Variants in MYH8 observed in about 807,000 individuals in gnomAD.
MYH8 encodes the protein myosin-8.
In MYH8, 168 loss-of-function variants were observed where a neutral mutation model predicts 233.2. The observed-to-expected ratio is 0.72, with a 90% CI of 0.64 to 0.82. The LOEUF (loss-of-function observed/expected upper bound fraction) is 0.82. Among genes scored for constraint, MYH8 ranks in the 40% least tolerant of loss-of-function variants. MYH8 has a pLI of 0.00. For missense variants in MYH8, 1,995 were observed against 2,327.8 expected (o/e 0.86, Z 2.94); for synonymous variants, 785 against 850.6 (o/e 0.92, Z 1.34).
rs886394850 is a variant in MYH8 at position 10,396,530 on chromosome 17, T to G, written c.4528+23A>C. ...AAGGTCCTCCCAGGGATATATGGAGTAGGGAGGACTGTGAGGACTCACGTT... is the reference window on the plus strand; with the variant it reads ...AAGGTCCTCCCAGGGATATATGGAGGAGGGAGGACTGTGAGGACTCACGTT... On this transcript the variant is annotated intron_variant, in intron 32 of 39. Transcript: ENST00000403437. The surrounding 1 kb of genome is among the most constrained non-coding windows in gnomAD (Gnocchi z 4.2). 4.3e-6 allele frequency: 7 copies of G among 1,613,538 alleles called. No individual in the cohort carries two copies. Among genetic ancestry groups the G allele is most frequent in the Non-Finnish European group, 5.9e-6 (7 of 1,179,778 alleles).
At position 10,400,332 on chromosome 17, in the gene MYH8, A is replaced by C; in HGVS notation, c.3735+58T>G. Reference sequence around the variant, plus strand: ...ATGCCTGCAAACAATGTTTAGTGATAGAGAATAATGGGTGTTCTTACAGAT... The same window carrying C: ...ATGCCTGCAAACAATGTTTAGTGATCGAGAATAATGGGTGTTCTTACAGAT... On this transcript the variant is annotated intron_variant, in intron 27 of 39. Transcript: ENST00000403437. This position sits in a 1 kb window ranked among gnomAD's most constrained non-coding sequence, Gnocchi z 4.0. The C allele has an allele frequency of 2.9e-5, 46 of 1,592,836 alleles. No individual in the cohort carries two copies. Among genetic ancestry groups the C allele is most frequent in the Middle Eastern group, 3.3e-4 (2 of 6,022 alleles).
chr17:10,412,823 T>A, intron 12 of MYH8, 95 bp from the exon 13 acceptor site: 2 of 1,179,894 alleles, frequency 1.7e-6, no homozygotes, highest in Non-Finnish European at 2.5e-6. Flanking sequence ...ATTATTTAAA[T>A]AAAAAGCTTA....
intron 11 of MYH8, 75 bp from the exon 12 acceptor site, chr17:10,414,115 G>C: frequency 1.2e-6 from 2 of 1,609,352 alleles, no homozygotes; most frequent in Non-Finnish European, 1.7e-6. Context: ...CATATCCTAA[G>C]GTAACCACAC....
rs555357493 is a variant in MYH8 at position 10,417,647 on chromosome 17, T to C, written c.511+998A>G. Among the ~76,000 whole-genome samples, 110 of 152,252 alleles carry C rather than the reference T, an allele frequency of 7.2e-4. No homozygotes were observed. Among genetic ancestry groups the C allele is most frequent in the African/African-American group, 2.6e-3 (109 of 41,564 alleles). On this transcript the variant is annotated intron_variant, in intron 5 of 39. Coordinates refer to ENST00000403437, the MANE Select transcript of MYH8 (RefSeq NM_002472.3). This position sits in a 1 kb window ranked among gnomAD's most constrained non-coding sequence, Gnocchi z 4.1. ...GCTGAGTGGGAGGACAGGGGTGGTG[T>C]ACATAGCTGTGTAAATGCAGCTGTT... is the stretch of plus-strand genomic sequence containing the variant.
rs1256256315 is a variant in MYH8 at position 10,406,778 on chromosome 17, G to A, written c.2083C>T (p.Gln695Ter). 5 of 1,614,062 alleles carry A rather than the reference G, an allele frequency of 3.1e-6. No individual in the cohort carries two copies. Among genetic ancestry groups the A allele is most frequent in the East Asian group, 2.2e-5 (1 of 44,868 alleles). Residue 695 changes from glutamine (Q) to a stop codon, truncating the protein, a stop_gained, in exon 19 of 40, where the codon CAG (glutamine) becomes TAG (stop). Coordinates refer to ENST00000403437, the MANE Select transcript of MYH8 (RefSeq NM_002472.3). LOFTEE classifies it high-confidence loss of function. ...GAMEHELVLH[Q>*]LRCNGVLEGI... ...TCCAGCACACCATTACACCTCAGCT[G>A]GTGCAACACAAGTTCATGTTCCATT...
intron 19 of MYH8, 80 bp downstream of exon 19, chr17:10,406,610 A>C: frequency 7.1e-7 from 1 of 1,399,206 alleles, no homozygotes; most frequent in Non-Finnish European, 1.0e-6. Flanking sequence ...CTACCACCAC[A>C]AGACTATATT....
At chr17:10,412,972 T>C (rs932844076) in intron 12 of MYH8, among the ~76,000 whole-genome samples, 2 of 152,212 alleles carry the variant, frequency 1.3e-5, no homozygotes, top group Non-Finnish European at 2.9e-5. Context: ...TGTAAACATA[T>C]GTAGTATTTA....
rs190632125 is a variant in MYH8, at chr17:10,392,852, C to T, written c.5442G>A (p.Gln1814=). ...CCACCCTGGCCTCCAGTTTCTGGAT[C>T]TGCTTCTTCCCACCCTTCAGCGCCA... ...EQLALKGGKK[Q]IQKLEARVRE... Residue 1814 remains glutamine (Q), a synonymous_variant, in exon 37 of 40, where the codon CAG becomes CAA. Coordinates refer to ENST00000403437, the MANE Select transcript of MYH8 (RefSeq NM_002472.3). The T allele has an allele frequency of 6.2e-7, 1 of 1,614,064 alleles. No individual in the cohort carries two copies. Among genetic ancestry groups the T allele is most frequent in the African/African-American group, 1.3e-5 (1 of 74,922 alleles).
chr17:10,396,463 G>T lies in MYH8; in HGVS notation c.4529-9C>A. On this transcript the variant is annotated splice_polypyrimidine_tract_variant and intron_variant, in intron 32 of 39. Transcript: ENST00000403437. This position sits in a 1 kb window ranked among gnomAD's most constrained non-coding sequence, Gnocchi z 4.2. ...GAGGTCAGAAATCTCCTCTGTGGTT[G>T]AACAGACAGGAGAGAAATGGTCAGA... 1 of 1,613,992 alleles carries T rather than the reference G, an allele frequency of 6.2e-7. No homozygotes were observed. Among genetic ancestry groups the T allele is most frequent in the Non-Finnish European group, 8.5e-7 (1 of 1,180,002 alleles).
In MYH8 at chr17:10,415,889, G is replaced by T. The variant is rs2072286066; in HGVS notation, c.512-181C>A. Among the ~76,000 whole-genome samples, 1 of 152,158 alleles carries T rather than the reference G, an allele frequency of 6.6e-6. No homozygotes were observed. The highest frequency in any genetic ancestry group is 6.5e-5 in the Admixed American group (1 of 15,268). On this transcript the variant is annotated intron_variant, in intron 5 of 39. Coordinates refer to ENST00000403437, the MANE Select transcript of MYH8 (RefSeq NM_002472.3). This position sits in a 1 kb window ranked among gnomAD's most constrained non-coding sequence, Gnocchi z 4.1. ...TTCTCAGTGTAAAATTTGTGAAAATGAAAGCAAAGAATCATCTCTTCCTTT... is the reference window on the plus strand; with the variant it reads ...TTCTCAGTGTAAAATTTGTGAAAATTAAAGCAAAGAATCATCTCTTCCTTT...
rs752012893 is a variant in MYH8, at chr17:10,409,296, T to A, written c.1880A>T (p.Tyr627Phe). The A allele has an allele frequency of 6.2e-7, 1 of 1,614,264 alleles. No individual in the cohort carries two copies. The highest frequency in any genetic ancestry group is 1.1e-5 in the South Asian group (1 of 91,086). Residue 627 changes from tyrosine (Y) to phenylalanine (F), a missense_variant, in exon 16 of 40, where the codon TAT becomes TTT. This residue lies in a region of MYH8 where 1,498 missense variants were observed against 1,680.9 expected (regional missense o/e 0.89). Coordinates refer to ENST00000403437, the MANE Select transcript of MYH8 (RefSeq NM_002472.3). ...GAAAGTACCTGCTTCAGCACTAGCA[T>A]ACGTGGAAAAGAGACTGGCTAGAGT... The part of the protein sequence containing the change: ...MKTLASLFST[Y>F]ASAEADSSAK...
intron 35 of MYH8, 128 bp downstream of exon 35, chr17:10,394,121 A>G: frequency 8.1e-7 from 1 of 1,232,246 alleles, no homozygotes; most frequent in Non-Finnish European, 1.1e-6. Flanking sequence ...AATAGCAATG[A>G]GTATTTTTGA....
chr17:10,400,810 C>G lies in MYH8; in HGVS notation c.3346-31G>C. 4.3e-6 allele frequency: 7 copies of G among 1,613,984 alleles called. No individual in the cohort carries two copies. The highest frequency in any genetic ancestry group is 5.9e-6 in the Non-Finnish European group (7 of 1,180,020). On this transcript the variant is annotated intron_variant, in intron 26 of 39. Transcript: ENST00000403437. This position sits in a 1 kb window ranked among gnomAD's most constrained non-coding sequence, Gnocchi z 4.0. ...AATGAAAGAAGCACATAAACATAAACTCATCTCAACTTCAGTGTTTTTTTG... is the reference window on the plus strand; with the variant it reads ...AATGAAAGAAGCACATAAACATAAAGTCATCTCAACTTCAGTGTTTTTTTG...
intron 21 of MYH8, 32 bp downstream of exon 21, chr17:10,406,009 C>G (rs745548633): frequency 6.8e-6 from 11 of 1,611,256 alleles, no homozygotes; most frequent in Non-Finnish European, 8.5e-6. Context: ...CTTAAGGGAC[C>G]TTATAATTCT....
At chr17:10,391,832 C>G in intron 39 of MYH8, 50 bp downstream of exon 39, 1 of 1,438,148 alleles carries the variant, frequency 7.0e-7, no homozygotes, top group Non-Finnish European at 9.8e-7. Context: ...AAAACACTTT[C>G]TACTGCAAAA....
In MYH8 at chr17:10,398,534, GC is replaced by G. The variant is rs2072100717; in HGVS notation, c.4087del (p.Ala1363ArgfsTer45). 1 of 1,614,034 alleles carries G rather than the reference GC, an allele frequency of 6.2e-7. No individual in the cohort carries two copies. The highest frequency in any genetic ancestry group is 1.1e-5 in the South Asian group (1 of 91,082). ...AACCTCACTGTTGGCCTTGGACAGC[GC>G]CCTCTGCAGCTCAGCTTTGCCTTCC... ...EQEGKAELQR[A>X]LSKANSEVAQ... On this transcript the variant is annotated frameshift_variant, in exon 30 of 40. Coordinates refer to ENST00000403437, the MANE Select transcript of MYH8 (RefSeq NM_002472.3). LOFTEE classifies it high-confidence loss of function.
intron 14 of MYH8, 32 bp downstream of exon 14, chr17:10,412,338 C>T: frequency 6.2e-7 from 1 of 1,613,976 alleles, no homozygotes; most frequent in Non-Finnish European, 8.5e-7. Context: ...CCCACAATTG[C>T]CTCCTTCTTA....
rs1277262708 is a variant in MYH8, at chr17:10,419,324, C to T, written c.211-294G>A. Among the ~76,000 whole-genome samples the T allele has an allele frequency of 6.6e-6, 1 of 152,226 alleles. No homozygotes were observed. Among genetic ancestry groups the T allele is most frequent in the Non-Finnish European group, 1.5e-5 (1 of 68,040 alleles). On this transcript the variant is annotated intron_variant, in intron 3 of 39. Transcript: ENST00000403437. The surrounding 1 kb of genome is among the most constrained non-coding windows in gnomAD (Gnocchi z 4.0). ...CCACCTGCCTCAGCCTCCCAAAGTG[C>T]TGGGATTACAGGCGTGAGCCACTGC...
chr17:10,415,733 G>C lies in MYH8; in HGVS notation c.512-25C>G, dbSNP rs369338386. 6.2e-7 allele frequency: 1 copy of C among 1,606,378 alleles called. No individual in the cohort carries two copies. The highest frequency in any genetic ancestry group is 1.3e-5 in the African/African-American group (1 of 74,848). ...TCTGTGAAAGAATTCAAAATCATCC[G>C]TTAAAAAATGCATATTTAATATGAA... On this transcript the variant is annotated intron_variant, in intron 5 of 39. Transcript: ENST00000403437. The surrounding 1 kb of genome is among the most constrained non-coding windows in gnomAD (Gnocchi z 4.1).
Sources: gnomAD v4.1 joint callset for allele counts (sites outside exome capture counted in the v4.1 genomes callset) on GRCh38, gnomAD v4.1.1 for gene constraint, gnomAD v4.1.1 regional missense constraint, Gnocchi (gnomAD v3.1) non-coding constraint, MANE v1.5 for transcripts, NCBI Gene and HGNC (gene_info 2026-07-23, HGNC 2026-07-21) for gene names.